Variants in KIAA0232 observed in about 807,000 individuals in gnomAD.
KIAA0232 encodes KIAA0232.
KIAA0232 carries 27 observed loss-of-function variants against 122.0 expected under a neutral mutation model. The observed-to-expected ratio is 0.22, with a 90% CI of 0.16 to 0.31. The LOEUF (loss-of-function observed/expected upper bound fraction) is 0.31. Ranked by LOEUF, KIAA0232 falls within the 10% of genes least tolerant of loss-of-function variation. The pLI is 1.00. For missense variants in KIAA0232, 1,551 were observed against 1,634.2 expected, an observed-to-expected ratio of 0.95 and a Z score of 0.88; for synonymous variants, 613 against 587.6, an observed-to-expected ratio of 1.04 and a Z score of -0.63.
At chr4:6,796,678 G>C (rs1223613680) in intron 1 of KIAA0232, among the ~76,000 whole-genome samples, 1 of 152,220 alleles carries the variant, frequency 6.6e-6, no homozygotes, top group Non-Finnish European at 1.5e-5. Context: ...GCAAGAAGGT[G>C]ACTCTTATGG....
chr4:6,858,283 A>G (rs1051432978), intron 5 of KIAA0232, 142 bp from the exon 6 acceptor site: 1 of 563,412 alleles, frequency 1.8e-6, no homozygotes, highest in African/African-American at 2.0e-5. Flanking sequence ...ATAGATTTTT[A>G]TTAAAAAGAT....
At chr4:6,818,431 T>C (rs1718244148) in intron 2 of KIAA0232, among the ~76,000 whole-genome samples, 1 of 148,480 alleles carries the variant, frequency 6.7e-6, no homozygotes, top group South Asian at 2.1e-4. Flanking sequence ...ATACACTCCC[T>C]GGACTGGCAG....
chr4:6,826,929 A>T (rs73199906), intron 3 of KIAA0232, among the ~76,000 whole-genome samples: 1 of 152,116 alleles, frequency 6.6e-6, no homozygotes, highest in Non-Finnish European at 1.5e-5. Flanking sequence ...TTCTTTACTA[A>T]CTCTAGGGGG....
At position 6,824,279 on chromosome 4, in the gene KIAA0232, C is replaced by T; in HGVS notation, c.-175C>T. On this transcript the variant is annotated 5_prime_UTR_variant, in exon 3 of 10. Coordinates refer to ENST00000307659, the MANE Select transcript of KIAA0232 (RefSeq NM_014743.3). ...GCTATCAGGATGTTGATTCATTAGTCATGCCTGAAGAGGGAAAGTCTGTTT... is the reference window on the plus strand; with the variant it reads ...GCTATCAGGATGTTGATTCATTAGTTATGCCTGAAGAGGGAAAGTCTGTTT... 1 of 617,606 alleles carries T rather than the reference C, an allele frequency of 1.6e-6. No individual in the cohort carries two copies. Among genetic ancestry groups the T allele is most frequent in the Non-Finnish European group, 2.9e-6 (1 of 343,938 alleles). The allele number at this position is 617,606 out of a possible 1,614,324, so 38.3% of individuals were successfully genotyped here.
chr4:6,841,684 A>T (rs890922426), intron 3 of KIAA0232, among the ~76,000 whole-genome samples: 7 of 152,218 alleles, frequency 4.6e-5, no homozygotes, highest in African/African-American at 1.7e-4. Flanking sequence ...CTAAGGAATG[A>T]AATTAAGAAA....
At chr4:6,830,539 C>G (rs1718917370) in intron 3 of KIAA0232, among the ~76,000 whole-genome samples, 1 of 150,960 alleles carries the variant, frequency 6.6e-6, no homozygotes, top group Non-Finnish European at 1.5e-5. Flanking sequence ...TCCTGAGTAG[C>G]TAGATTACAG....
chr4:6,806,014 G>T (rs969318404), intron 2 of KIAA0232, among the ~76,000 whole-genome samples: 5 of 152,202 alleles, frequency 3.3e-5, no homozygotes, highest in African/African-American at 1.2e-4. Context: ...TCTTTTGCAA[G>T]GAAGGAGGAG....
At chr4:6,871,181 C>T (rs1246233684) in intron 7 of KIAA0232, among the ~76,000 whole-genome samples, 2 of 152,138 alleles carry the variant, frequency 1.3e-5, no homozygotes, top group Admixed American at 1.3e-4. Context: ...GCCTGTAATC[C>T]CAGTACTTTG....
rs764402749 is a variant in KIAA0232 at position 6,862,125 on chromosome 4, G to T, written c.1743G>T (p.Leu581=). The T allele has an allele frequency of 6.2e-7, 1 of 1,614,158 alleles. No individual in the cohort carries two copies. The highest frequency in any genetic ancestry group is 8.5e-7 in the Non-Finnish European group (1 of 1,180,022). Residue 581 remains leucine (L), a synonymous_variant, in exon 7 of 10, where the codon CTG becomes CTT. Coordinates refer to ENST00000307659, the MANE Select transcript of KIAA0232 (RefSeq NM_014743.3). ...TSSVGAEGLF[L]QDLGNLAQFW... ...CCGTAGGTGCTGAGGGCTTATTCCT[G>T]CAGGACCTTGGCAATCTGGCTCAGT...
intron 6 of KIAA0232, among the ~76,000 whole-genome samples, chr4:6,858,831 C>G (rs1048773600): frequency 1.3e-5 from 2 of 152,066 alleles, no homozygotes; most frequent in South Asian, 2.1e-4. Flanking sequence ...GATTATCAGC[C>G]GGGCACAGTG....
At chr4:6,796,244 GTTC>G (rs1162358505) in intron 1 of KIAA0232, among the ~76,000 whole-genome samples, 1 of 151,832 alleles carries the variant, frequency 6.6e-6, no homozygotes, top group Non-Finnish European at 1.5e-5. Flanking sequence ...TCCCTATATT[GTTC>G]TTTTTTTTTT....
intron 2 of KIAA0232, among the ~76,000 whole-genome samples, chr4:6,811,573 G>A (rs2108974319): frequency 6.6e-6 from 1 of 152,142 alleles, no homozygotes; most frequent in South Asian, 2.1e-4. Flanking sequence ...CTCCTGAGTA[G>A]CTGGGACTCC....
At chr4:6,804,501 T>C (rs1161607464) in intron 1 of KIAA0232, 22 bp from the exon 2 acceptor site, 1 of 152,236 alleles carries the variant, frequency 6.6e-6, no homozygotes, top group African/African-American at 2.4e-5. Context: ...GATACTAAAA[T>C]GCCTGCTTCA....
chr4:6,858,601 T>C (rs1720685983), intron 6 of KIAA0232, 95 bp downstream of exon 6: 2 of 736,632 alleles, frequency 2.7e-6, no homozygotes, highest in East Asian at 5.9e-5. Flanking sequence ...TCATCTTGTT[T>C]AGTTTCATTA....
At chr4:6,798,476 A>G (rs1717234414) in intron 1 of KIAA0232, among the ~76,000 whole-genome samples, 1 of 152,162 alleles carries the variant, frequency 6.6e-6, no homozygotes. Flanking sequence ...TTTGAACAAC[A>G]CTAGGTTAGG....
intron 2 of KIAA0232, among the ~76,000 whole-genome samples, chr4:6,818,560 A>C (rs1356131093): frequency 6.6e-6 from 1 of 152,112 alleles, no homozygotes; most frequent in Non-Finnish European, 1.5e-5. Flanking sequence ...AAGGACGATA[A>C]AATCATGGAT....
rs1350621959 is a variant in KIAA0232, at chr4:6,863,827, G to A, written c.3445G>A (p.Ala1149Thr). The change falls in exon 7 of 10, where the codon GCA becomes ACA. Residue 1149 changes from alanine (A) to threonine (T), a missense_variant. Physicochemically the swap from Ala to Thr is moderately conservative, Grantham distance 58. Transcript: ENST00000307659. The part of the protein sequence containing the change: ...SQVDIFEDPQ[A>T]DLKPLEEDAE... ...AGTTGATATATTTGAAGATCCGCAGGCAGATCTCAAACCTTTGGAAGAAGA... is the reference window on the plus strand; with the variant it reads ...AGTTGATATATTTGAAGATCCGCAGACAGATCTCAAACCTTTGGAAGAAGA... The A allele has an allele frequency of 1.2e-6, 2 of 1,614,122 alleles. No homozygotes were observed. Among genetic ancestry groups the A allele is most frequent in the African/African-American group, 1.3e-5 (1 of 75,008 alleles).
chr4:6,869,045 A>G (rs16839412), intron 7 of KIAA0232, among the ~76,000 whole-genome samples: 1 of 152,030 alleles, frequency 6.6e-6, no homozygotes, highest in Non-Finnish European at 1.5e-5. Context: ...GGGGCCCCAT[A>G]CTTGGGAATG....
chr4:6,849,636 G>A (rs562452414), intron 4 of KIAA0232, among the ~76,000 whole-genome samples: 6 of 152,092 alleles, frequency 3.9e-5, no homozygotes, highest in East Asian at 3.9e-4. Context: ...AAAATTAGCC[G>A]GATGTGGTGG....
Sources: allele counts gnomAD v4.1 joint callset (sites outside exome capture counted in the v4.1 genomes callset), GRCh38; gene constraint gnomAD v4.1.1; transcripts MANE v1.5; gene names NCBI Gene and HGNC (gene_info 2026-07-23, HGNC 2026-07-21).